The following UBE2H variants were observed in gnomAD, a reference collection of about 807,000 sequenced individuals.
UBE2H encodes the protein ubiquitin-conjugating enzyme E2 H.
UBE2H carries 3 observed loss-of-function variants against 29.0 expected under a neutral mutation model. The ratio of observed to expected loss-of-function variants is 0.10; its 90% CI spans 0.05 to 0.27. The LOEUF is 0.27. Ranked by LOEUF, UBE2H falls within the 10% of genes least tolerant of loss-of-function variation. The pLI is 1.00. For missense variants in UBE2H, 68 were observed against 228.2 expected (o/e 0.30, Z 4.52); for synonymous variants, 69 against 82.9 (o/e 0.83, Z 0.91).
chr7:129,851,402 C>T (rs1306814247), intron 5 of UBE2H, among the ~76,000 whole-genome samples: 1 of 152,182 alleles, frequency 6.6e-6, no homozygotes. Context: ...GCTGGATAGT[C>T]TTGCTGTCAT....
chr7:129,923,286 C>T (rs62491532), intron 1 of UBE2H, among the ~76,000 whole-genome samples: 14,437 of 152,204 alleles, frequency 0.095, 885 homozygotes, highest in Admixed American at 0.15. Flanking sequence ...GTTTTACCTG[C>T]TTTTCGTAAG....
At chr7:129,897,355 T>C (rs770448938) in intron 1 of UBE2H, among the ~76,000 whole-genome samples, 17 of 152,198 alleles carry the variant, frequency 1.1e-4, no homozygotes, top group Non-Finnish European at 7.3e-5. Flanking sequence ...GCTCTAATCA[T>C]AGTCTGCTCG....
intron 5 of UBE2H, among the ~76,000 whole-genome samples, chr7:129,843,722 G>T (rs1319246573): frequency 1.3e-5 from 2 of 152,168 alleles, no homozygotes; most frequent in Non-Finnish European, 2.9e-5. Context: ...TCACAGAGAC[G>T]GTGTGCTTGT....
intron 1 of UBE2H, among the ~76,000 whole-genome samples, chr7:129,911,903 A>G (rs1208271239): frequency 6.6e-6 from 1 of 152,146 alleles, no homozygotes; most frequent in Non-Finnish European, 1.5e-5. Flanking sequence ...TCGGCTTCCC[A>G]AAGTGCTGGG....
rs1379694494 is a variant in UBE2H, at chr7:129,834,600, T to C, written c.*337A>G. The C allele has an allele frequency of 1.2e-5, 2 of 165,544 alleles. No individual in the cohort carries two copies. Among genetic ancestry groups the C allele is most frequent in the African/African-American group, 4.8e-5 (2 of 41,916 alleles). 10.3% of individuals were successfully genotyped at this position (165,544 alleles called of 1,614,324 possible). On this transcript the variant is annotated 3_prime_UTR_variant, in exon 7 of 7. Transcript: ENST00000355621. ...ACCAATAAAAGAAGCAATTTTTTCC[T>C]GTTCTTTTTACTCACATCTACCTAT...
intron 3 of UBE2H, among the ~76,000 whole-genome samples, chr7:129,874,395 C>T (rs982068911): frequency 6.6e-6 from 1 of 151,298 alleles, no homozygotes; most frequent in Non-Finnish European, 1.5e-5. Context: ...CTGCAGGCTA[C>T]GCCTCCTAGG....
rs183619099 is a variant in UBE2H, at chr7:129,893,672, G to T, written c.54-12701C>A. ...CTTTAAAATATTTAGAAGCTAGAAG[G>T]CTATCGATGAAATATCAATAGCTCC... is the stretch of plus-strand genomic sequence containing the variant. On this transcript the variant is annotated intron_variant, in intron 1 of 6. Coordinates refer to ENST00000355621, the MANE Select transcript of UBE2H (RefSeq NM_003344.4). 2.5e-3 allele frequency among the ~76,000 whole-genome samples: 375 copies of T among 152,250 alleles called. 3 individuals carry two copies. Among genetic ancestry groups the T allele is most frequent in the African/African-American group, 8.5e-3 (352 of 41,540 alleles).
chr7:129,947,742 C>A (rs1204879263), intron 1 of UBE2H, among the ~76,000 whole-genome samples: 1 of 16,980 alleles, frequency 5.9e-5, no homozygotes, highest in Non-Finnish European at 3.3e-4. Context: ...CCTGTCCTTT[C>A]CGACTAAAAA....
At chr7:129,936,078 T>C (rs1807521925) in intron 1 of UBE2H, among the ~76,000 whole-genome samples, 1 of 152,228 alleles carries the variant, frequency 6.6e-6, no homozygotes, top group East Asian at 1.9e-4. Flanking sequence ...AAAAACATGC[T>C]AAAATCTATG....
intron 3 of UBE2H, among the ~76,000 whole-genome samples, chr7:129,867,491 T>C (rs1216177599): frequency 4.2e-5 from 4 of 95,056 alleles, no homozygotes; most frequent in African/African-American, 8.4e-5. Flanking sequence ...TAGGTGGGAA[T>C]TGAACAATGA....
intron 1 of UBE2H, among the ~76,000 whole-genome samples, chr7:129,918,815 G>A (rs183741408): frequency 2.6e-5 from 4 of 152,260 alleles, no homozygotes; most frequent in East Asian, 1.9e-4. Context: ...GTGCACTGTG[G>A]TTCTTGCCTG....
At chr7:129,854,065 T>TTTTTTTTTTTTTATTTTTTA (rs1235829126) in intron 5 of UBE2H, among the ~76,000 whole-genome samples, 2 of 148,876 alleles carry the variant, frequency 1.3e-5, no homozygotes, top group East Asian at 2.0e-4. Flanking sequence ...TGTTAGTTTT[T>TTTTTTTTTTTTTATTTTTTA]TTTTTTTTTT....
chr7:129,950,664 G>A (rs1807855767), intron 1 of UBE2H, among the ~76,000 whole-genome samples: 1 of 152,108 alleles, frequency 6.6e-6, no homozygotes, highest in Admixed American at 6.5e-5. Flanking sequence ...TAAACATTAG[G>A]TAGAAATTCG....
intron 1 of UBE2H, among the ~76,000 whole-genome samples, chr7:129,909,931 A>C (rs1584780407): frequency 6.6e-6 from 1 of 152,160 alleles, no homozygotes; most frequent in Non-Finnish European, 1.5e-5. Context: ...AAAGGGGTCA[A>C]TTAAAGCATA....
intron 1 of UBE2H, among the ~76,000 whole-genome samples, chr7:129,941,567 T>C (rs1357661655): frequency 6.6e-6 from 1 of 152,118 alleles, no homozygotes; most frequent in Non-Finnish European, 1.5e-5. Context: ...TTAGCCAAAC[T>C]AAAAGTTCCA....
At chr7:129,932,752 C>A (rs1313190518) in intron 1 of UBE2H, among the ~76,000 whole-genome samples, 2 of 127,458 alleles carry the variant, frequency 1.6e-5, no homozygotes, top group Non-Finnish European at 3.1e-5. Context: ...CCAGCCTGGG[C>A]GACAGAGCGA....
In UBE2H at chr7:129,894,189, C is replaced by T. The variant is rs183916637; in HGVS notation, c.54-13218G>A. ...ATAAATGGGACCAGGTGCAGTGGCTCACGCCTGTAATTCCAACATTTTAGG... is the reference window on the plus strand; with the variant it reads ...ATAAATGGGACCAGGTGCAGTGGCTTACGCCTGTAATTCCAACATTTTAGG... On this transcript the variant is annotated intron_variant, in intron 1 of 6. Coordinates refer to ENST00000355621, the MANE Select transcript of UBE2H (RefSeq NM_003344.4). 2.5e-3 allele frequency among the ~76,000 whole-genome samples: 383 copies of T among 152,126 alleles called. 3 individuals carry two copies. Among genetic ancestry groups the T allele is most frequent in the Non-Finnish European group, 4.5e-3 (305 of 67,992 alleles).
chr7:129,853,637 C>T (rs1277699793), intron 5 of UBE2H, among the ~76,000 whole-genome samples: 1 of 152,138 alleles, frequency 6.6e-6, no homozygotes, highest in Non-Finnish European at 1.5e-5. Context: ...CACAATTATA[C>T]CAATTTTGAA....
chr7:129,925,793 G>A (rs1377677022), intron 1 of UBE2H, among the ~76,000 whole-genome samples: 3 of 152,136 alleles, frequency 2.0e-5, no homozygotes, highest in Admixed American at 1.3e-4. Context: ...TGGCAGAAGC[G>A]ATGCCTTTAA....
Sources: allele counts gnomAD v4.1 joint callset (sites outside exome capture counted in the v4.1 genomes callset), GRCh38; gene constraint gnomAD v4.1.1; transcripts MANE v1.5; gene names NCBI Gene and HGNC (gene_info 2026-07-23, HGNC 2026-07-21).